NOMO3: variants seen among roughly 807,000 people sequenced by gnomAD.
NOMO3 encodes the protein BOS complex subunit NOMO3.
Under a neutral mutation model 69.9 loss-of-function variants are expected in NOMO3, and 15 were observed. That is an observed-to-expected ratio of 0.21 (90% CI 0.14 to 0.33). The LOEUF (loss-of-function observed/expected upper bound fraction) is 0.33. Ranked by LOEUF, NOMO3 falls within the 10% of genes least tolerant of loss-of-function variation. The pLI, the probability that NOMO3 is intolerant of heterozygous loss-of-function variation, is 1.00. For synonymous variants in NOMO3, 89 were observed against 301.9 expected, an observed-to-expected ratio of 0.29 and a Z score of 7.31; for missense variants, 218 against 761.0, an observed-to-expected ratio of 0.29 and a Z score of 8.39.
At chr16:16,264,698 C>T (rs1443809260) in intron 14 of NOMO3, among the ~76,000 whole-genome samples, 1 of 138,170 alleles carries the variant, frequency 7.2e-6, no homozygotes, top group Non-Finnish European at 1.5e-5. Context: ...CAGGCATGCA[C>T]CACCATGCCT....
At chr16:16,254,943 G>C (rs1212928860) in intron 9 of NOMO3, among the ~76,000 whole-genome samples, 2 of 143,570 alleles carry the variant, frequency 1.4e-5, no homozygotes, top group South Asian at 4.4e-4. Context: ...TTTTCTTTGA[G>C]ACAGAGTCTT....
intron 17 of NOMO3, 53 bp downstream of exon 17, chr16:16,270,237 T>G: frequency 6.3e-7 from 1 of 1,578,586 alleles, no homozygotes; most frequent in East Asian, 2.6e-5. Flanking sequence ...CCGTGGAGGA[T>G]TCTTCATTTA....
At chr16:16,270,362 G>A (rs942267372) in intron 17 of NOMO3, among the ~76,000 whole-genome samples, 178 bp downstream of exon 17, 3 of 119,956 alleles carry the variant, frequency 2.5e-5, no homozygotes, top group Admixed American at 1.6e-4. Context: ...CTGAGGAACC[G>A]GAGACAGGAT....
chr16:16,257,643 G>T (rs1171495784), intron 11 of NOMO3, among the ~76,000 whole-genome samples: 1 of 134,756 alleles, frequency 7.4e-6, no homozygotes, highest in African/African-American at 3.1e-5. Context: ...GGTGGCCCAG[G>T]GGGGGACCTA....
chr16:16,244,100 C>T (rs1477812691), intron 4 of NOMO3, among the ~76,000 whole-genome samples: 11 of 143,310 alleles, frequency 7.7e-5, no homozygotes, highest in Admixed American at 2.0e-4. Flanking sequence ...GTCATTTCTC[C>T]TCCACCCGCC....
At chr16:16,264,291 G>GA (rs1252723817) in intron 14 of NOMO3, among the ~76,000 whole-genome samples, 2 of 18,462 alleles carry the variant, frequency 1.1e-4, no homozygotes, top group African/African-American at 3.2e-4. Flanking sequence ...GGCAGGGCTT[G>GA]GCAGACTACA....
rs2049509082 is a variant in NOMO3, at chr16:16,256,054, A to G, written c.1116A>G (p.Thr372=). 1 of 1,583,884 alleles carries G rather than the reference A, an allele frequency of 6.3e-7. No homozygotes were observed. Among genetic ancestry groups the G allele is most frequent in the African/African-American group, 1.6e-5 (1 of 60,696 alleles). ...CATTCCGCCTTGAGAACATAACCAC[A>G]GGGACATACACCATCCATGCTCAGA... ...DGSFRLENIT[T]GTYTIHAQKE... Residue 372 remains threonine (T), a synonymous_variant, in exon 11 of 31, where the codon ACA becomes ACG. Coordinates refer to ENST00000399336, the MANE Select transcript of NOMO3 (RefSeq NM_001004067.4).
intron 16 of NOMO3, among the ~76,000 whole-genome samples, chr16:16,268,911 A>T (rs2049640724): frequency 1.4e-5 from 2 of 142,650 alleles, no homozygotes; most frequent in Non-Finnish European, 3.0e-5. Flanking sequence ...TGTCTGTATT[A>T]TTGGCCAGAA....
In NOMO3 at chr16:16,232,641, T is replaced by C. The variant is rs1044201592; in HGVS notation, c.-26T>C. On this transcript the variant is annotated 5_prime_UTR_variant, in exon 1 of 31. Transcript: ENST00000399336. ...AGGGGCGGGACCCGGCTGCCGGCGG[T>C]GGGTCTAGCTGGGGGAGGTCGGGCC... 1.9e-6 allele frequency: 1 copy of C among 529,568 alleles called. No individual in the cohort carries two copies. The highest frequency in any genetic ancestry group is 2.8e-6 in the Non-Finnish European group (1 of 356,540). 32.8% of individuals were successfully genotyped at this position (529,568 alleles called of 1,614,324 possible).
At chr16:16,269,252 T>C (rs1197753605) in intron 16 of NOMO3, among the ~76,000 whole-genome samples, 1 of 141,054 alleles carries the variant, frequency 7.1e-6, no homozygotes, top group East Asian at 2.4e-4. Flanking sequence ...ACAATTGATA[T>C]GTTTGTGGCT....
intron 2 of NOMO3, among the ~76,000 whole-genome samples, chr16:16,238,624 C>T (rs2049349925): frequency 7.0e-6 from 1 of 142,904 alleles, no homozygotes; most frequent in South Asian, 2.2e-4. Context: ...AGACTTTCCC[C>T]AATTTTAAAA....
intron 16 of NOMO3, chr16:16,267,449 T>A: frequency 2.6e-6 from 1 of 388,660 alleles, no homozygotes; most frequent in Non-Finnish European, 4.5e-6. Flanking sequence ...CTCTTTCTTT[T>A]TTTGAGATGG....
chr16:16,267,180 A>C, intron 16 of NOMO3, 49 bp downstream of exon 16: 1 of 1,182,018 alleles, frequency 8.5e-7, no homozygotes, highest in Non-Finnish European at 1.2e-6. Flanking sequence ...ATGGAAAGGC[A>C]CCAGAGGATG....
At chr16:16,249,455 AC>A (rs1161132696) in intron 6 of NOMO3, among the ~76,000 whole-genome samples, 1 of 137,744 alleles carries the variant, frequency 7.3e-6, no homozygotes, top group African/African-American at 3.1e-5. Context: ...GGTGGCATAC[AC>A]CTGTAATCCC....
At chr16:16,252,252 C>T (rs2049469814) in intron 8 of NOMO3, 152 bp downstream of exon 8, 12 of 1,529,354 alleles carry the variant, frequency 7.8e-6, no homozygotes, top group Non-Finnish European at 8.8e-6. Flanking sequence ...GAGACACTCA[C>T]CCCTTCGTAA....
chr16:16,243,891 G>C (rs980103078), intron 4 of NOMO3, among the ~76,000 whole-genome samples: 1 of 144,408 alleles, frequency 6.9e-6, no homozygotes, highest in African/African-American at 2.8e-5. Flanking sequence ...CACTCTCTAA[G>C]CCTTGTGGCA....
At chr16:16,267,717 A>G (rs2049630846) in intron 16 of NOMO3, among the ~76,000 whole-genome samples, 2 of 143,760 alleles carry the variant, frequency 1.4e-5, no homozygotes, top group Admixed American at 1.4e-4. Context: ...TACAGGTGTG[A>G]GCTGCTGCAC....
intron 12 of NOMO3, 78 bp downstream of exon 12, chr16:16,261,754 GT>G: frequency 6.9e-7 from 1 of 1,444,478 alleles, no homozygotes; most frequent in Non-Finnish European, 9.1e-7. Context: ...GTCGAATGGG[GT>G]TAGAGAAGGA....
intron 1 of NOMO3, among the ~76,000 whole-genome samples, chr16:16,236,537 C>T (rs1332082584): frequency 6.2e-5 from 9 of 144,546 alleles, no homozygotes; most frequent in South Asian, 2.2e-4. Context: ...CATGAGCCAC[C>T]GTGCCCAGCC....
Sources: allele counts gnomAD v4.1 joint callset (sites outside exome capture counted in the v4.1 genomes callset), GRCh38; gene constraint gnomAD v4.1.1; transcripts MANE v1.5; gene names NCBI Gene and HGNC (gene_info 2026-07-23, HGNC 2026-07-21).